KIF6: variants seen among roughly 807,000 people sequenced by gnomAD.
KIF6 encodes the protein kinesin-like protein KIF6.
KIF6 carries 106 observed loss-of-function variants against 112.7 expected under a neutral mutation model. That is an observed-to-expected ratio of 0.94 (90% CI 0.80 to 1.11). The LOEUF is 1.11. Ranked by LOEUF, KIF6 falls within the 50% of genes least tolerant of loss-of-function variation. The pLI is 0.00. For synonymous variants in KIF6, 339 were observed against 339.9 expected, an observed-to-expected ratio of 1.00 and a Z score of 0.03; for missense variants, 929 against 964.0, an observed-to-expected ratio of 0.96 and a Z score of 0.48.
intron 7 of KIF6, among the ~76,000 whole-genome samples, chr6:39,593,716 G>C (rs999354092): frequency 6.6e-6 from 1 of 152,154 alleles, no homozygotes; most frequent in African/African-American, 2.4e-5. Context: ...AGAGCTGACA[G>C]GCTTGCAATT....
intron 13 of KIF6, among the ~76,000 whole-genome samples, chr6:39,452,467 T>G (rs1002810113): frequency 1.3e-5 from 2 of 152,212 alleles, no homozygotes; most frequent in African/African-American, 4.8e-5. Flanking sequence ...GAGCAATAAT[T>G]TGCTCTCTGG....
intron 13 of KIF6, among the ~76,000 whole-genome samples, chr6:39,483,140 T>C (rs1482948148): frequency 6.6e-6 from 1 of 152,266 alleles, no homozygotes; most frequent in East Asian, 1.9e-4. Flanking sequence ...AAGAAAATAT[T>C]CAGCCGATTT....
chr6:39,545,482 T>G (rs188380443), intron 11 of KIF6, 101 bp downstream of exon 11: 1 of 711,330 alleles, frequency 1.4e-6, no homozygotes. Context: ...GGACATGCAA[T>G]GCTGGATCCT....
In KIF6 at chr6:39,380,924, AT is replaced by A. The variant is rs540593092; in HGVS notation, c.1861+4697del. On this transcript the variant is annotated intron_variant, in intron 16 of 22. Coordinates refer to ENST00000287152, the MANE Select transcript of KIF6 (RefSeq NM_145027.6). Reference sequence around the variant, plus strand: ...TAATATAACATTTAATTGTAAACTTATCTAATTTAATTTTAATAACATCTTT... The same window carrying A: ...TAATATAACATTTAATTGTAAACTTACTAATTTAATTTTAATAACATCTTT... Among the ~76,000 whole-genome samples the A allele has an allele frequency of 8.5e-5, 13 of 152,348 alleles. No homozygotes were observed. The South Asian group carries it at 2.3e-3, about 27-fold the overall frequency.
rs529928836 is a variant in KIF6, at chr6:39,330,031, C to T, written c.*6501G>A. ...TTTATTGTCTAATTGGTTCACATGA[C>T]GATTCTTTGTCCTATGATGTTAAGA... On this transcript the variant is annotated 3_prime_UTR_variant, in exon 23 of 23. Transcript: ENST00000287152. 1.3e-5 allele frequency: 2 copies of T among 152,278 alleles called. No homozygotes were observed. The highest frequency in any genetic ancestry group is 1.9e-4 in the East Asian group (1 of 5,188). 9.4% of individuals were successfully genotyped at this position (152,278 alleles called of 1,614,324 possible). A position where few individuals can be genotyped will look rare whatever the true frequency, so the allele number is the denominator to read the frequency against.
chr6:39,363,502 G>A (rs1765332411), intron 16 of KIF6, among the ~76,000 whole-genome samples: 1 of 152,196 alleles, frequency 6.6e-6, no homozygotes, highest in South Asian at 2.1e-4. Context: ...GTGCCTGGTT[G>A]CCTGCTCTGG....
chr6:39,725,162 C>T (rs1373242970), intron 1 of KIF6, 83 bp downstream of exon 1: 39 of 1,223,828 alleles, frequency 3.2e-5, no homozygotes, highest in African/African-American at 4.7e-5. Context: ...CCCTCACCTC[C>T]GCCCAGCCCC....
rs576243592 is a variant in KIF6, at chr6:39,720,379, G to A, written c.176+323C>T. ...ACAAATGATACTGTAAGTTCTTACC[G>A]TCAGTGAAGTTTAATCATGCATTGG... is the stretch of plus-strand genomic sequence containing the variant. On this transcript the variant is annotated intron_variant, in intron 2 of 22. Coordinates refer to ENST00000287152, the MANE Select transcript of KIF6 (RefSeq NM_145027.6). Among the ~76,000 whole-genome samples, 14 of 152,168 alleles carry A rather than the reference G, an allele frequency of 9.2e-5. No homozygotes were observed. The East Asian group carries it at 1.9e-3, about 21-fold the overall frequency.
chr6:39,569,144 T>G (rs1424387553), intron 10 of KIF6, among the ~76,000 whole-genome samples: 1 of 152,164 alleles, frequency 6.6e-6, no homozygotes, highest in Non-Finnish European at 1.5e-5. Flanking sequence ...TTTTTAATAG[T>G]GGTTTTATAA....
chr6:39,567,763 G>A (rs900685310), intron 10 of KIF6, among the ~76,000 whole-genome samples: 27 of 151,970 alleles, frequency 1.8e-4, no homozygotes, highest in Admixed American at 4.6e-4. Flanking sequence ...ACCCACCACC[G>A]CGCCTGGCTA....
intron 14 of KIF6, 94 bp downstream of exon 14, chr6:39,430,959 G>A (rs1028090392): frequency 4.7e-5 from 30 of 643,002 alleles, no homozygotes; most frequent in Non-Finnish European, 7.5e-5. Flanking sequence ...TAATAGTTAT[G>A]TTGGGCAGAT....
At chr6:39,594,893 A>G (rs925076309) in intron 7 of KIF6, among the ~76,000 whole-genome samples, 103 of 152,030 alleles carry the variant, frequency 6.8e-4, no homozygotes, top group African/African-American at 2.0e-3. Flanking sequence ...TTTAACATTC[A>G]TCTCACAGCC....
At chr6:39,362,977 C>T (rs560286295) in intron 16 of KIF6, among the ~76,000 whole-genome samples, 212 of 152,196 alleles carry the variant, frequency 1.4e-3, no homozygotes, top group Non-Finnish European at 2.2e-3. Context: ...GGTCAAACCC[C>T]GTCTCTACTA....
In KIF6 at chr6:39,419,964, T is replaced by G. The variant is rs780060725; in HGVS notation, c.1794A>C (p.Glu598Asp). 2.5e-6 allele frequency: 4 copies of G among 1,613,596 alleles called. No homozygotes were observed. The highest frequency in any genetic ancestry group is 3.4e-6 in the Non-Finnish European group (4 of 1,179,458). The change falls in exon 15 of 23, where the codon GAA (glutamate) becomes GAC (aspartate). Residue 598 changes from glutamate (E) to aspartate (D), a missense_variant. Coordinates refer to ENST00000287152, the MANE Select transcript of KIF6 (RefSeq NM_145027.6). ...TCTGCTTACCAATTTTACTTCTTGC[T>G]TCATTTATACTTTCTCCCAGGGCCT... ...EAKALGESINEARSKIGHLKE... is the reference protein window; with the variant it reads ...EAKALGESINDARSKIGHLKE...
intron 5 of KIF6, among the ~76,000 whole-genome samples, chr6:39,628,147 C>T (rs1383384809): frequency 2.6e-5 from 4 of 151,972 alleles, no homozygotes; most frequent in African/African-American, 9.7e-5. Flanking sequence ...ATTGTAACAT[C>T]TTGCAAAACT....
At chr6:39,456,977 C>A (rs1412916165) in intron 13 of KIF6, among the ~76,000 whole-genome samples, 5 of 147,036 alleles carry the variant, frequency 3.4e-5, no homozygotes, top group Middle Eastern at 3.2e-3. Context: ...AGAAAGTCAA[C>A]AAGGATACCC....
chr6:39,617,907 A>C (rs1783614659), intron 5 of KIF6, among the ~76,000 whole-genome samples: 1 of 152,172 alleles, frequency 6.6e-6, no homozygotes, highest in Admixed American at 6.6e-5. Context: ...GAGAACATTC[A>C]CTTGTTTGTC....
At chr6:39,422,278 C>A (rs866898471) in intron 14 of KIF6, among the ~76,000 whole-genome samples, 5 of 152,146 alleles carry the variant, frequency 3.3e-5, no homozygotes, top group Non-Finnish European at 1.5e-5. Context: ...AGTCCCCCAG[C>A]CTTGGCGGTG....
At chr6:39,420,170 A>ATCCCC (rs1770248319) in intron 14 of KIF6, among the ~76,000 whole-genome samples, 167 bp from the exon 15 acceptor site, 4 of 152,168 alleles carry the variant, frequency 2.6e-5, no homozygotes, top group Admixed American at 6.5e-5. Flanking sequence ...TAGAGAGAAA[A>ATCCCC]TTGGTATTAA....
Sources: allele counts gnomAD v4.1 joint callset (sites outside exome capture counted in the v4.1 genomes callset), GRCh38; gene constraint gnomAD v4.1.1; transcripts MANE v1.5; gene names NCBI Gene and HGNC (gene_info 2026-07-23, HGNC 2026-07-21).